Variants in RBM6 observed in about 807,000 individuals in gnomAD.
RBM6 encodes RNA-binding protein 6.
Under a neutral mutation model 140.4 loss-of-function variants are expected in RBM6, and 23 were observed. That is an observed-to-expected ratio of 0.16 (90% CI 0.12 to 0.23). RBM6 has a LOEUF of 0.23. RBM6 is among the 10% of genes least tolerant of loss of function. RBM6 has a pLI of 1.00. For synonymous variants in RBM6, 439 were observed against 475.6 expected (o/e 0.92, Z 1.00); for missense variants, 1,139 against 1,386.7 (o/e 0.82, Z 2.84).
intron 3 of RBM6, among the ~76,000 whole-genome samples, chr3:49,969,441 G>A (rs71326906): frequency 6.9e-6 from 1 of 145,920 alleles, no homozygotes; most frequent in Admixed American, 6.9e-5. Flanking sequence ...CCTCAGCTCA[G>A]ATCATATATA....
chr3:50,016,504 GT>G (rs34433151), intron 6 of RBM6, among the ~76,000 whole-genome samples: 75,315 of 147,906 alleles, frequency 0.51, 19,586 homozygotes, highest in East Asian at 0.86. Flanking sequence ...TCTCGTTTTA[GT>G]TTTTTTTTTT....
At chr3:50,061,875 C>A in intron 14 of RBM6, 87 bp from the exon 15 acceptor site, 1 of 1,506,168 alleles carries the variant, frequency 6.6e-7, no homozygotes, top group Non-Finnish European at 8.9e-7. Context: ...TGTTTCTTCC[C>A]CTAAAAGGGA....
chr3:50,039,652 G>GT (rs1451631289), intron 6 of RBM6, among the ~76,000 whole-genome samples: 1 of 152,290 alleles, frequency 6.6e-6, no homozygotes, highest in Non-Finnish European at 1.5e-5. Context: ...AAGCTGAAAA[G>GT]TTTTTTAAAA....
At chr3:50,040,639 T>C (rs2088861410) in intron 6 of RBM6, among the ~76,000 whole-genome samples, 2 of 150,762 alleles carry the variant, frequency 1.3e-5, no homozygotes, top group Admixed American at 1.3e-4. Flanking sequence ...TTGGAGTGTA[T>C]TGTGTTCCCA....
intron 20 of RBM6, among the ~76,000 whole-genome samples, chr3:50,076,018 G>T (rs1239795234): frequency 6.6e-6 from 1 of 151,282 alleles, no homozygotes; most frequent in Non-Finnish European, 1.5e-5. Context: ...GCCCAGGCTG[G>T]AATGCAGTGG....
intron 1 of RBM6, among the ~76,000 whole-genome samples, chr3:49,942,529 G>A (rs1361091230): frequency 6.6e-6 from 1 of 151,002 alleles, no homozygotes; most frequent in Admixed American, 6.6e-5. Flanking sequence ...CAATTCAATG[G>A]TATTAATTAC....
intron 16 of RBM6, among the ~76,000 whole-genome samples, chr3:50,065,826 T>G (rs2090104053): frequency 1.3e-5 from 2 of 152,220 alleles, no homozygotes; most frequent in African/African-American, 4.8e-5. Flanking sequence ...TCTACCCAAG[T>G]GCCTATTAAT....
intron 5 of RBM6, among the ~76,000 whole-genome samples, chr3:49,994,140 T>A (rs1458488386): frequency 3.9e-5 from 6 of 152,220 alleles, no homozygotes; most frequent in Admixed American, 6.5e-5. Flanking sequence ...CATGGCTCAC[T>A]GTAGCCTTGG....
intron 1 of RBM6, among the ~76,000 whole-genome samples, chr3:49,953,523 CTT>C (rs796386335): frequency 1.6e-4 from 21 of 130,992 alleles, no homozygotes; most frequent in East Asian, 2.3e-4. Flanking sequence ...CGAACCTGGC[CTT>C]TTTTTTTTTT....
chr3:50,060,878 G>A (rs1050128541), intron 11 of RBM6, 78 bp from the exon 12 acceptor site: 17 of 1,415,606 alleles, frequency 1.2e-5, no homozygotes, highest in Non-Finnish European at 1.5e-5. Flanking sequence ...AGGATTTCTC[G>A]ATAGGAACTG....
Position 50,061,559 on chromosome 3 carries a change from G to GGTT in RBM6, c.2439+12_2439+13insGTT. 7.0e-7 allele frequency: 1 copy of GGTT among 1,421,210 alleles called. No homozygotes were observed. Among genetic ancestry groups the GGTT allele is most frequent in the South Asian group, 1.5e-5 (1 of 68,058 alleles). 88.0% of individuals were successfully genotyped at this position (1,421,210 alleles called of 1,614,324 possible). A position where few individuals can be genotyped will look rare whatever the true frequency, so the allele number is the denominator to read the frequency against. On this transcript the variant is annotated intron_variant, in intron 14 of 20. Coordinates refer to ENST00000266022, the MANE Select transcript of RBM6 (RefSeq NM_005777.3). ...ACCCCAATACCCAGGTGAGTTTGGG[G>GGTT]CTTTTTTTTTTTTTTTTTTTTTTTT... is the stretch of plus-strand genomic sequence containing the variant.
rs1003597565 is a variant in RBM6, at chr3:49,974,659, A to G, written c.1414-664A>G. ...AGTGCTGGGATTACAGGCGTGAGCC[A>G]CCGTGCCCGGCCAATTTTTTTTTTT... On this transcript the variant is annotated intron_variant, in intron 4 of 20. Coordinates refer to ENST00000266022, the MANE Select transcript of RBM6 (RefSeq NM_005777.3). Among the ~76,000 whole-genome samples, 14 of 135,474 alleles carry G rather than the reference A, an allele frequency of 1.0e-4. No homozygotes were observed. The South Asian group carries it at 3.1e-3, about 30-fold the overall frequency. The allele number at this position is 135,474 out of a possible 152,430, so 88.9% of individuals were successfully genotyped here.
chr3:50,029,002 G>C (rs1304949350), intron 6 of RBM6, among the ~76,000 whole-genome samples: 1 of 152,160 alleles, frequency 6.6e-6, no homozygotes, highest in African/African-American at 2.4e-5. Context: ...GATGGAGCTA[G>C]CCATATATTC....
chr3:49,963,596 A>G (rs1281038762), intron 2 of RBM6, among the ~76,000 whole-genome samples: 3 of 152,190 alleles, frequency 2.0e-5, no homozygotes, highest in Non-Finnish European at 4.4e-5. Context: ...CAGTTTGCTA[A>G]GCCACCTCTC....
At chr3:50,001,972 G>A (rs1407574012) in intron 6 of RBM6, among the ~76,000 whole-genome samples, 1 of 152,160 alleles carries the variant, frequency 6.6e-6, no homozygotes, top group Non-Finnish European at 1.5e-5. Flanking sequence ...GACTCTTGGC[G>A]AATAATGTAT....
At chr3:50,006,886 C>G (rs960817425) in intron 6 of RBM6, among the ~76,000 whole-genome samples, 8 of 148,244 alleles carry the variant, frequency 5.4e-5, no homozygotes, top group Middle Eastern at 3.5e-3. Flanking sequence ...GAGCCGAGAT[C>G]GCACCACTGC....
intron 6 of RBM6, among the ~76,000 whole-genome samples, chr3:50,046,555 G>A: frequency 6.6e-6 from 1 of 151,250 alleles, no homozygotes; most frequent in South Asian, 2.1e-4. Flanking sequence ...CTCCAGCCTG[G>A]GCAACAAGAG....
intron 6 of RBM6, among the ~76,000 whole-genome samples, chr3:50,004,598 C>T (rs2086493671): frequency 6.6e-6 from 1 of 151,384 alleles, no homozygotes; most frequent in African/African-American, 2.4e-5. Context: ...CAGGTGTGAG[C>T]CACTATGCCT....
rs2084593225 is a variant in RBM6 at position 49,968,152 on chromosome 3, A to G, written c.727A>G (p.Thr243Ala). Residue 243 changes from threonine (T) to alanine (A), a missense_variant, in exon 3 of 21, where the codon ACT becomes GCT. Thr to Ala is a moderately conservative substitution (Grantham distance 58). Transcript: ENST00000266022. Reference protein sequence around the residue: ...VDFRGRGSGTTDLDFRDRDTP... With the variant: ...VDFRGRGSGTADLDFRDRDTP... ...CTTTAGAGGCCGAGGTTCAGGTACT[A>G]CTGATCTAGACTTTAGGGACAGGGA... is the stretch of plus-strand genomic sequence containing the variant. 1 of 1,614,004 alleles carries G rather than the reference A, an allele frequency of 6.2e-7. No homozygotes were observed. The highest frequency in any genetic ancestry group is 1.3e-5 in the African/African-American group (1 of 74,910).
Sources: allele counts gnomAD v4.1 joint callset (sites outside exome capture counted in the v4.1 genomes callset), GRCh38; gene constraint gnomAD v4.1.1; transcripts MANE v1.5; gene names NCBI Gene and HGNC (gene_info 2026-07-23, HGNC 2026-07-21).